Variants in RBFOX3 observed in about 807,000 individuals in gnomAD.
RBFOX3 encodes RNA binding protein fox-1 homolog 3.
A neutral mutation model predicts 48.7 loss-of-function variants in RBFOX3; 17 were observed. The ratio of observed to expected loss-of-function variants is 0.35; its 90% CI spans 0.24 to 0.52. The LOEUF (loss-of-function observed/expected upper bound fraction) is 0.52, where lower values mean the gene tolerates loss of function less well. Ranked by LOEUF, RBFOX3 falls within the 20% of genes least tolerant of loss-of-function variation. The probability of loss-of-function intolerance (pLI) is 0.94; values close to 1 mark genes in which losing one functional copy is unlikely to be tolerated. For synonymous variants in RBFOX3, 212 were observed against 209.5 expected, an observed-to-expected ratio of 1.01 and a Z score of -0.10; for missense variants, 382 against 497.5, an observed-to-expected ratio of 0.77 and a Z score of 2.21.
intron 10 of RBFOX3, 122 bp from the exon 11 acceptor site, chr17:79,097,546 C>T (rs567482150): frequency 8.7e-4 from 1,239 of 1,417,782 alleles, no homozygotes; most frequent in Non-Finnish European, 1.1e-3. Flanking sequence ...GCCCCGCCCC[C>T]GGAGCGCTAC....
chr17:79,656,780 A>AAG, the RBFOX3 span, among the ~76,000 whole-genome samples: 2 of 27,924 alleles, frequency 7.2e-5, no homozygotes, highest in African/African-American at 2.0e-4. Flanking sequence ...GAAGGAAGGA[A>AAG]AGAAAGAAAG....
chr17:79,109,348 G>C (rs2078060843), intron 5 of RBFOX3, among the ~76,000 whole-genome samples: 1 of 152,180 alleles, frequency 6.6e-6, no homozygotes, highest in Admixed American at 6.5e-5. Context: ...GGAGACTCCT[G>C]GTCTGGCTGG....
At chr17:79,587,113 C>T (rs930396480) in intron 1 of RBFOX3, among the ~76,000 whole-genome samples, 21 of 152,174 alleles carry the variant, frequency 1.4e-4, no homozygotes, top group Non-Finnish European at 2.2e-4. Context: ...AACTGGTGGG[C>T]GCAAGGCAGA....
chr17:79,230,598 C>T (rs1016302927), intron 4 of RBFOX3, among the ~76,000 whole-genome samples: 2 of 152,156 alleles, frequency 1.3e-5, no homozygotes, highest in South Asian at 2.1e-4. Flanking sequence ...TGAGAAGAAA[C>T]GCTGTGAAGC....
At chr17:79,213,457 A>G (rs1394733069) in intron 4 of RBFOX3, among the ~76,000 whole-genome samples, 1 of 152,226 alleles carries the variant, frequency 6.6e-6, no homozygotes, top group Non-Finnish European at 1.5e-5. Flanking sequence ...CAACAGCCAG[A>G]CGGGGGAGGG....
chr17:79,527,945 C>T (rs1347618619), intron 1 of RBFOX3, among the ~76,000 whole-genome samples: 1 of 152,212 alleles, frequency 6.6e-6, no homozygotes, highest in Non-Finnish European at 1.5e-5. Context: ...TCTGCCGAGT[C>T]AGGGCTTGCT....
At chr17:79,105,066 A>AC (rs1285256585) in intron 6 of RBFOX3, among the ~76,000 whole-genome samples, 1 of 152,116 alleles carries the variant, frequency 6.6e-6, no homozygotes, top group African/African-American at 2.4e-5. Flanking sequence ...CCCGAACAAC[A>AC]CTTCTGAGGT....
chr17:79,653,118 G>A, the RBFOX3 span, among the ~76,000 whole-genome samples: 54 of 152,306 alleles, frequency 3.5e-4, no homozygotes, highest in East Asian at 8.7e-3. Flanking sequence ...CATGAGAACA[G>A]AATAAAGAGG....
intron 4 of RBFOX3, chr17:79,234,575 C>T (rs1297990122): frequency 6.6e-6 from 1 of 152,168 alleles, no homozygotes; most frequent in Non-Finnish European, 1.5e-5. Context: ...GAAGAGAGGC[C>T]ACCTGAGGGC....
chr17:79,623,863 G>T, the RBFOX3 span, among the ~76,000 whole-genome samples: 1 of 151,548 alleles, frequency 6.6e-6, no homozygotes, highest in East Asian at 1.9e-4. Context: ...CAAGAGAGTC[G>T]GTGTCAGAGA....
intron 14 of RBFOX3, among the ~76,000 whole-genome samples, chr17:79,093,487 C>T (rs1209226448): frequency 1.3e-5 from 2 of 151,522 alleles, no homozygotes; most frequent in African/African-American, 2.4e-5. Context: ...ACCAGACCCG[C>T]GCCTGTGGCT....
At chr17:79,663,082 A>C in the RBFOX3 span, among the ~76,000 whole-genome samples, 1 of 152,192 alleles carries the variant, frequency 6.6e-6, no homozygotes, top group Non-Finnish European at 1.5e-5. Flanking sequence ...GCTAGGTTTT[A>C]ATTAAACATT....
At chr17:79,280,341 A>G (rs970989969) in intron 3 of RBFOX3, among the ~76,000 whole-genome samples, 2 of 152,190 alleles carry the variant, frequency 1.3e-5, no homozygotes, top group Non-Finnish European at 2.9e-5. Flanking sequence ...GAAACCATCA[A>G]TGCGACAAAA....
At chr17:79,561,328 GC>G (rs1319822618) in intron 1 of RBFOX3, among the ~76,000 whole-genome samples, 2 of 152,142 alleles carry the variant, frequency 1.3e-5, no homozygotes, top group Non-Finnish European at 2.9e-5. Flanking sequence ...CAGCCGGCAA[GC>G]CCAGCTTCCA....
intron 2 of RBFOX3, among the ~76,000 whole-genome samples, chr17:79,368,420 T>C (rs1343063926): frequency 6.6e-6 from 1 of 152,242 alleles, no homozygotes; most frequent in Non-Finnish European, 1.5e-5. Flanking sequence ...TTCACAATGC[T>C]ATTTGAACTG....
intron 2 of RBFOX3, among the ~76,000 whole-genome samples, chr17:79,368,238 C>T (rs2058056466): frequency 6.6e-6 from 1 of 152,130 alleles, no homozygotes. Context: ...AGGGCTGAGC[C>T]TTATCTAAAG....
chr17:79,097,825 G>A (rs2075674108), intron 9 of RBFOX3, 80 bp from the exon 10 acceptor site: 2 of 1,425,940 alleles, frequency 1.4e-6, no homozygotes, highest in Non-Finnish European at 1.9e-6. Flanking sequence ...GAACCCCAGC[G>A]ACACCGGTGG....
rs966874225 is a variant in RBFOX3, at chr17:79,392,091, G to A, written c.-174-84267C>T. On this transcript the variant is annotated intron_variant, in intron 2 of 14. Coordinates refer to ENST00000693108, the MANE Select transcript of RBFOX3 (RefSeq NM_001350451.2). The surrounding 1 kb of genome is among the most constrained non-coding windows in gnomAD (Gnocchi z 5.0). ...TGCCCGGGCACTTCGGACCCGCTGC[G>A]GGACCTTGGGCAAACTCTTTTAGCC... Among the ~76,000 whole-genome samples, 9 of 152,184 alleles carry A rather than the reference G, an allele frequency of 5.9e-5. No individual in the cohort carries two copies. Among genetic ancestry groups the A allele is most frequent in the African/African-American group, 1.7e-4 (7 of 41,444 alleles).
chr17:79,161,359 T>C lies in RBFOX3; in HGVS notation c.-33-45611A>G, dbSNP rs375774133. Among the ~76,000 whole-genome samples, 3 of 152,188 alleles carry C rather than the reference T, an allele frequency of 2.0e-5. No homozygotes were observed. In the East Asian group the frequency reaches 5.8e-4, roughly 29 times the overall value. On this transcript the variant is annotated intron_variant, in intron 4 of 14. Coordinates refer to ENST00000693108, the MANE Select transcript of RBFOX3 (RefSeq NM_001350451.2). Reference sequence around the variant, plus strand: ...TCCTCTGCTGCCAATGAACCCTTCATGGAGGCCTGGAAGCACCGCATGGCT... The same window carrying C: ...TCCTCTGCTGCCAATGAACCCTTCACGGAGGCCTGGAAGCACCGCATGGCT...
Sources: allele counts gnomAD v4.1 joint callset (sites outside exome capture counted in the v4.1 genomes callset), GRCh38; gene constraint gnomAD v4.1.1; non-coding constraint Gnocchi (gnomAD v3.1); transcripts MANE v1.5; gene names NCBI Gene and HGNC (gene_info 2026-07-23, HGNC 2026-07-21).